DNMBP: variants seen among roughly 807,000 people sequenced by gnomAD.
DNMBP encodes dynamin binding protein, also known as dynamin-binding protein.
Under a neutral mutation model 150.0 loss-of-function variants are expected in DNMBP, and 87 were observed. That is an observed-to-expected ratio of 0.58 (90% CI 0.49 to 0.69). DNMBP has a LOEUF of 0.69. Ranked by LOEUF, DNMBP falls within the 30% of genes least tolerant of loss-of-function variation. The pLI is 0.00. For synonymous variants in DNMBP, 711 were observed against 750.4 expected (o/e 0.95, Z 0.86); for missense variants, 1,774 against 1,949.0 (o/e 0.91, Z 1.69).
chr10:99,973,452 T>C (rs188844913), intron 1 of DNMBP, among the ~76,000 whole-genome samples: 235 of 152,308 alleles, frequency 1.5e-3, no homozygotes, highest in African/African-American at 4.7e-3. Context: ...TACAATACTT[T>C]AAAAAGTAGA....
intron 11 of DNMBP, among the ~76,000 whole-genome samples, chr10:99,890,145 G>A (rs939410764): frequency 6.6e-6 from 1 of 152,158 alleles, no homozygotes; most frequent in Non-Finnish European, 1.5e-5. Context: ...ATAACCCAGG[G>A]AATGTTGCTA....
chr10:99,934,954 C>T (rs530416779), intron 4 of DNMBP, among the ~76,000 whole-genome samples: 1 of 139,176 alleles, frequency 7.2e-6, no homozygotes, highest in Admixed American at 7.3e-5. Flanking sequence ...GGTATGGTGG[C>T]GCATGCCTGT....
At chr10:99,929,900 G>A (rs1412376228) in intron 4 of DNMBP, 1 of 702,798 alleles carries the variant, frequency 1.4e-6, no homozygotes, top group African/African-American at 1.7e-5. Flanking sequence ...CCATTTGATG[G>A]AGAGAATCTG....
At chr10:99,930,913 G>C (rs1589424790) in intron 4 of DNMBP, 1 of 541,352 alleles carries the variant, frequency 1.8e-6, no homozygotes, top group African/African-American at 1.9e-5. Context: ...GCTCTAGTCG[G>C]AGCGCAGTGA....
At chr10:99,947,810 G>T (rs1220366639) in intron 4 of DNMBP, among the ~76,000 whole-genome samples, 1 of 152,008 alleles carries the variant, frequency 6.6e-6, no homozygotes, top group Non-Finnish European at 1.5e-5. Context: ...AATAGTTTTT[G>T]ACATTTATCT....
intron 3 of DNMBP, chr10:99,957,646 G>T: frequency 5.5e-6 from 1 of 183,382 alleles, no homozygotes; most frequent in Non-Finnish European, 1.2e-5. Flanking sequence ...AACCAGCCTG[G>T]GCAACATGTC....
chr10:99,945,317 C>A (rs926919470), intron 4 of DNMBP, among the ~76,000 whole-genome samples: 12 of 152,124 alleles, frequency 7.9e-5, no homozygotes, highest in Admixed American at 7.2e-4. Flanking sequence ...GACGCAAGAG[C>A]AGAGAATACT....
At position 99,956,642 on chromosome 10, in the gene DNMBP, C is replaced by T. The variant is rs777792867; in HGVS notation, c.832G>A (p.Asp278Asn). ...DKIRILATLE[D>N]GWLEGSLKGR... ...TTCAGGGATCCTTCCAGCCAGCCAT[C>T]TTCCAAGGTCGCCAGAATTCGGATT... The change falls in exon 4 of 17, where the codon GAT becomes AAT. Residue 278 changes from aspartate (D) to asparagine (N), a missense_variant. Physicochemically the swap from Asp to Asn is conservative, Grantham distance 23. Around this residue, in one of 2 missense-constraint regions of DNMBP, gnomAD observed 344 missense variants for 456.6 expected, o/e 0.75. Coordinates refer to ENST00000324109, the MANE Select transcript of DNMBP (RefSeq NM_015221.4). 1 of 1,614,022 alleles carries T rather than the reference C, an allele frequency of 6.2e-7. No individual in the cohort carries two copies. The highest frequency in any genetic ancestry group is 8.5e-7 in the Non-Finnish European group (1 of 1,179,908).
rs1330414053 is a variant in DNMBP, at chr10:100,000,877, A to C, written c.-11+8961T>G. ...GTTATGGCAAAAAAAAAAAAAAAAAAAAAAAAAAAACCCAGCAGGGTACAG... is the reference window on the plus strand; with the variant it reads ...GTTATGGCAAAAAAAAAAAAAAAAACAAAAAAAAAACCCAGCAGGGTACAG... On this transcript the variant is annotated intron_variant, in intron 1 of 16. Transcript: ENST00000324109. 2.9e-3 allele frequency among the ~76,000 whole-genome samples: 425 copies of C among 147,076 alleles called. 8 individuals carry two copies. The highest frequency in any genetic ancestry group is 9.8e-3 in the African/African-American group (379 of 38,670).
At chr10:99,927,977 A>G (rs1056919485) in intron 4 of DNMBP, among the ~76,000 whole-genome samples, 1 of 152,238 alleles carries the variant, frequency 6.6e-6, no homozygotes. Flanking sequence ...AAGAGGAACA[A>G]TACAAAAACC....
chr10:99,956,736 G>A lies in DNMBP; in HGVS notation c.738C>T (p.Thr246=). ...GPDEDEEEPG[T]YGVALYRFQA... ...GGAATCTGTACAGGGCGACCCCATA[G>A]GTCCCTGGCTCCTCCTCATCCTCAT... Residue 246 remains threonine (T), a synonymous_variant, in exon 4 of 17, where the codon ACC becomes ACT. Coordinates refer to ENST00000324109, the MANE Select transcript of DNMBP (RefSeq NM_015221.4). The A allele has an allele frequency of 6.2e-7, 1 of 1,614,098 alleles. No individual in the cohort carries two copies. Among genetic ancestry groups the A allele is most frequent in the Non-Finnish European group, 8.5e-7 (1 of 1,180,010 alleles).
intron 4 of DNMBP, among the ~76,000 whole-genome samples, chr10:99,935,601 G>A (rs12777534): frequency 0.31 from 46,784 of 151,848 alleles, 7,293 homozygotes; most frequent in Non-Finnish European, 0.33. Context: ...TTTTGCTCTC[G>A]TCACACAGGC....
intron 1 of DNMBP, among the ~76,000 whole-genome samples, chr10:99,993,155 T>C (rs2040914804): frequency 6.6e-6 from 1 of 152,196 alleles, no homozygotes; most frequent in African/African-American, 2.4e-5. Flanking sequence ...ATAGTAAGCA[T>C]TACACCAGTG....
intron 14 of DNMBP, among the ~76,000 whole-genome samples, chr10:99,884,684 A>G (rs979389252): frequency 2.6e-5 from 4 of 152,174 alleles, no homozygotes; most frequent in African/African-American, 9.7e-5. Context: ...CAAGGTGGGC[A>G]GATCACTTGA....
At chr10:99,879,290 A>C (rs2039327273) in intron 16 of DNMBP, among the ~76,000 whole-genome samples, 1 of 151,734 alleles carries the variant, frequency 6.6e-6, no homozygotes, top group African/African-American at 2.4e-5. Context: ...CATGGTGAAG[A>C]CTGTCTCTAC....
chr10:99,907,125 C>T (rs2039835979), intron 6 of DNMBP, among the ~76,000 whole-genome samples: 1 of 151,662 alleles, frequency 6.6e-6, no homozygotes, highest in African/African-American at 2.4e-5. Flanking sequence ...AGCCTGGGCA[C>T]AGCCTGGGCA....
chr10:99,996,402 C>G (rs139205939), intron 1 of DNMBP, among the ~76,000 whole-genome samples: 1 of 152,302 alleles, frequency 6.6e-6, no homozygotes, highest in East Asian at 1.9e-4. Context: ...CGCCTGTAAT[C>G]CCAGCTACTC....
chr10:99,950,015 T>C (rs1431754034), intron 4 of DNMBP, among the ~76,000 whole-genome samples: 1 of 152,154 alleles, frequency 6.6e-6, no homozygotes, highest in Admixed American at 6.5e-5. Flanking sequence ...TTTGACATGG[T>C]TTGGCTGTGT....
At chr10:99,976,097 A>G (rs2040725241) in intron 1 of DNMBP, among the ~76,000 whole-genome samples, 1 of 152,228 alleles carries the variant, frequency 6.6e-6, no homozygotes, top group Admixed American at 6.5e-5. Flanking sequence ...TAACAGTGTG[A>G]AAGCACCTAG....
Sources: allele counts gnomAD v4.1 joint callset (sites outside exome capture counted in the v4.1 genomes callset), GRCh38; gene constraint gnomAD v4.1.1; regional missense constraint gnomAD v4.1.1; transcripts MANE v1.5; gene names NCBI Gene and HGNC (gene_info 2026-07-23, HGNC 2026-07-21).